LRIF1: variants seen among roughly 807,000 people sequenced by gnomAD.
LRIF1 encodes the protein ligand dependent nuclear receptor interacting factor 1.
Under a neutral mutation model 52.7 loss-of-function variants are expected in LRIF1, and 32 were observed. The ratio of observed to expected loss-of-function variants is 0.61; its 90% CI spans 0.46 to 0.82. The LOEUF (loss-of-function observed/expected upper bound fraction) is 0.82. LRIF1 is among the 40% of genes least tolerant of loss of function. The pLI is 0.00. For missense variants in LRIF1, 887 were observed against 892.0 expected (o/e 0.99, Z 0.07); for synonymous variants, 323 against 317.4 (o/e 1.02, Z -0.19).
chr1:110,963,463 C>A (rs1161866163), intron 1 of LRIF1, 158 bp downstream of exon 1: 2 of 550,820 alleles, frequency 3.6e-6, no homozygotes, highest in Non-Finnish European at 3.3e-6. Flanking sequence ...GCTCTATGGG[C>A]TTTAAGCGCC....
chr1:110,941,488 A>T, the LRIF1 span: 1 of 152,054 alleles, frequency 6.6e-6, no homozygotes, highest in East Asian at 1.9e-4. Flanking sequence ...CTTCAGTAGC[A>T]CTAATTCATA....
At chr1:110,898,546 C>T in the LRIF1 span, among the ~76,000 whole-genome samples, 3 of 151,978 alleles carry the variant, frequency 2.0e-5, no homozygotes, top group Non-Finnish European at 4.4e-5. Context: ...CATTTGAAAA[C>T]CTGATCTTGC....
chr1:110,881,588 T>C, the LRIF1 span, among the ~76,000 whole-genome samples: 2 of 152,242 alleles, frequency 1.3e-5, no homozygotes, highest in African/African-American at 4.8e-5. Flanking sequence ...AGTCCTAGTA[T>C]GGACATATGC....
the LRIF1 span, chr1:110,899,418 C>CA: frequency 2.2e-6 from 1 of 463,790 alleles, no homozygotes; most frequent in African/African-American, 2.0e-5. Context: ...CCATGTCTCT[C>CA]AAAGTGGTGA....
chr1:110,894,555 A>G, the LRIF1 span, among the ~76,000 whole-genome samples: 1 of 24,014 alleles, frequency 4.2e-5, no homozygotes, highest in Non-Finnish European at 2.6e-4. Context: ...AATTGGGGGG[A>G]AAATTTGTAT....
intron 1 of LRIF1, among the ~76,000 whole-genome samples, chr1:110,953,491 A>G (rs1222448659): frequency 3.3e-5 from 5 of 152,226 alleles, no homozygotes; most frequent in Non-Finnish European, 5.9e-5. Flanking sequence ...ACCCATACAT[A>G]TAATACCACT....
chr1:110,950,671 G>A (rs1474731318), intron 2 of LRIF1, among the ~76,000 whole-genome samples: 1 of 151,856 alleles, frequency 6.6e-6, no homozygotes, highest in Non-Finnish European at 1.5e-5. Flanking sequence ...GGCATGTTGG[G>A]TAACTGGCTG....
At chr1:110,918,576 A>G in the LRIF1 span, among the ~76,000 whole-genome samples, 9 of 152,204 alleles carry the variant, frequency 5.9e-5, no homozygotes, top group Non-Finnish European at 1.2e-4. Flanking sequence ...ACTGAAAATA[A>G]TAGAAATGAG....
At chr1:110,943,198 T>C (rs1185899339), downstream of LRIF1, among the ~76,000 whole-genome samples, 1 of 152,186 alleles carries the variant, frequency 6.6e-6, no homozygotes, top group African/African-American at 2.4e-5. Context: ...AGCAATATGA[T>C]AGTTATTGGA....
the LRIF1 span, among the ~76,000 whole-genome samples, chr1:110,893,944 C>T: frequency 1.3e-5 from 2 of 152,222 alleles, no homozygotes; most frequent in East Asian, 3.8e-4. Context: ...GTCCTCCACC[C>T]AGAGGTATCC....
Position 110,951,528 on chromosome 1 carries a change from AGGAG to A in LRIF1, c.1352_1355del (p.Ser451PhefsTer8). 1 of 1,614,166 alleles carries A rather than the reference AGGAG, an allele frequency of 6.2e-7. No individual in the cohort carries two copies. The highest frequency in any genetic ancestry group is 8.5e-7 in the Non-Finnish European group (1 of 1,180,014). ...GGTTCATATGTGGATTTGTGGTAGAAGGAGATGGTTTCTCCACTTTATTCTTCTC... is the reference window on the plus strand; with the variant it reads ...GGTTCATATGTGGATTTGTGGTAGAAATGGTTTCTCCACTTTATTCTTCTC... On this transcript the variant is annotated frameshift_variant, in exon 2 of 4. Coordinates refer to ENST00000369763, the MANE Select transcript of LRIF1 (RefSeq NM_018372.4). LOFTEE classifies it high-confidence loss of function.
chr1:110,886,891 TC>T, the LRIF1 span, among the ~76,000 whole-genome samples: 1 of 141,758 alleles, frequency 7.1e-6, no homozygotes, highest in Non-Finnish European at 1.6e-5. Flanking sequence ...TGTCTGTGTT[TC>T]TTTGAGGATA....
At chr1:110,938,304 A>T in the LRIF1 span, 2 of 152,228 alleles carry the variant, frequency 1.3e-5, no homozygotes, top group East Asian at 3.9e-4. Flanking sequence ...ATGCAAAAAT[A>T]CTCATCAAAA....
the LRIF1 span, among the ~76,000 whole-genome samples, chr1:110,883,510 A>T: frequency 1.3e-5 from 2 of 151,796 alleles, no homozygotes; most frequent in African/African-American, 4.8e-5. Context: ...CCGTGGTTTT[A>T]TTTCTTGTAA....
At chr1:110,963,400 G>A in intron 1 of LRIF1, 1 of 354,780 alleles carries the variant, frequency 2.8e-6, no homozygotes, top group Non-Finnish European at 5.3e-6. Flanking sequence ...CTGGGGTCCC[G>A]CGGAGCCGCT....
chr1:110,897,388 A>C, the LRIF1 span, among the ~76,000 whole-genome samples: 3 of 152,364 alleles, frequency 2.0e-5, no homozygotes, highest in African/African-American at 7.2e-5. Flanking sequence ...ACTGACCAGC[A>C]ACTGCCCTGG....
At chr1:110,875,672 A>T in the LRIF1 span, among the ~76,000 whole-genome samples, 1 of 152,176 alleles carries the variant, frequency 6.6e-6, no homozygotes, top group African/African-American at 2.4e-5. Flanking sequence ...CCTAGGACCC[A>T]TCTGCCACTG....
the LRIF1 span, among the ~76,000 whole-genome samples, chr1:110,909,045 G>T: frequency 1.3e-5 from 2 of 152,094 alleles, no homozygotes; most frequent in African/African-American, 2.4e-5. Context: ...AACCTTACAG[G>T]CCAGAAAAGG....
At chr1:110,903,193 G>C in the LRIF1 span, among the ~76,000 whole-genome samples, 1 of 152,152 alleles carries the variant, frequency 6.6e-6, no homozygotes. Flanking sequence ...AGGCAGTCTA[G>C]GCCATAAGGA....
Sources: gnomAD v4.1 joint callset for allele counts (sites outside exome capture counted in the v4.1 genomes callset) on GRCh38, gnomAD v4.1.1 for gene constraint, MANE v1.5 for transcripts, NCBI Gene and HGNC (gene_info 2026-07-23, HGNC 2026-07-21) for gene names.